Variants in SPTLC3 observed in about 807,000 individuals in gnomAD.
The protein encoded by SPTLC3 is serine palmitoyltransferase 3.
SPTLC3 carries 36 observed loss-of-function variants against 59.3 expected under a neutral mutation model. The ratio of observed to expected loss-of-function variants is 0.61; its 90% CI spans 0.47 to 0.80. SPTLC3 has a LOEUF of 0.80. SPTLC3 is among the 30% of genes least tolerant of loss of function. SPTLC3 has a pLI of 0.00. For synonymous variants in SPTLC3, 257 were observed against 240.8 expected (o/e 1.07, Z -0.62); for missense variants, 625 against 685.1 (o/e 0.91, Z 0.98).
chr20:13,031,293 C>T (rs1344412193), intron 1 of SPTLC3, among the ~76,000 whole-genome samples: 1 of 152,120 alleles, frequency 6.6e-6, no homozygotes, highest in Non-Finnish European at 1.5e-5. Context: ...TCGAAGATCT[C>T]AATCTCTAAA....
At chr20:13,030,178 C>T (rs1176846448) in intron 1 of SPTLC3, among the ~76,000 whole-genome samples, 3 of 152,132 alleles carry the variant, frequency 2.0e-5, no homozygotes, top group African/African-American at 7.2e-5. Context: ...CACTGGCTGC[C>T]CCTACTGTGA....
Position 13,074,334 on chromosome 20 carries a change from C to T in SPTLC3, c.459-15C>T. 1 of 1,612,710 alleles carries T rather than the reference C, an allele frequency of 6.2e-7. No individual in the cohort carries two copies. Among genetic ancestry groups the T allele is most frequent in the African/African-American group, 1.3e-5 (1 of 74,976 alleles). On this transcript the variant is annotated splice_polypyrimidine_tract_variant and intron_variant, in intron 3 of 11. Transcript: ENST00000399002. ...GGGGAGGGGATTATGTGCTCATTTA[C>T]ATGTTTCCCCACAGGTTTACTGGAA...
chr20:13,009,731 C>A (rs1985133349), intron 1 of SPTLC3, among the ~76,000 whole-genome samples: 1 of 152,180 alleles, frequency 6.6e-6, no homozygotes, highest in Non-Finnish European at 1.5e-5. Context: ...AAGAGACCTG[C>A]TACAACCGTC....
intron 6 of SPTLC3, among the ~76,000 whole-genome samples, chr20:13,104,072 T>G (rs1294840134): frequency 6.6e-6 from 1 of 152,228 alleles, no homozygotes; most frequent in African/African-American, 2.4e-5. Context: ...TAAGCCTGAT[T>G]GTAGCTTTGG....
At chr20:13,118,211 C>T (rs1048755718) in intron 8 of SPTLC3, among the ~76,000 whole-genome samples, 8 of 151,964 alleles carry the variant, frequency 5.3e-5, no homozygotes, top group African/African-American at 1.9e-4. Context: ...GAGGCTGACC[C>T]TATGCTACAA....
At chr20:13,064,654 T>A (rs1241706343) in intron 2 of SPTLC3, among the ~76,000 whole-genome samples, 1 of 152,230 alleles carries the variant, frequency 6.6e-6, no homozygotes, top group Non-Finnish European at 1.5e-5. Context: ...TTCCTATTAT[T>A]TGGGTAACTC....
At chr20:13,106,931 G>C (rs989018638) in intron 6 of SPTLC3, among the ~76,000 whole-genome samples, 1 of 152,198 alleles carries the variant, frequency 6.6e-6, no homozygotes, top group African/African-American at 2.4e-5. Context: ...GCAGGGAAAC[G>C]TTCTCCACTG....
intron 9 of SPTLC3, among the ~76,000 whole-genome samples, chr20:13,129,606 C>G (rs2038074686): frequency 6.6e-6 from 1 of 152,222 alleles, no homozygotes; most frequent in Non-Finnish European, 1.5e-5. Flanking sequence ...AAAATTTTCA[C>G]TCATTTCCGG....
At chr20:13,034,675 A>T (rs1191468340) in intron 1 of SPTLC3, among the ~76,000 whole-genome samples, 1 of 152,174 alleles carries the variant, frequency 6.6e-6, no homozygotes, top group Non-Finnish European at 1.5e-5. Flanking sequence ...AGTAAAATTT[A>T]ACCCAACGAG....
At chr20:13,022,868 T>G (rs1985959169) in intron 1 of SPTLC3, among the ~76,000 whole-genome samples, 2 of 151,908 alleles carry the variant, frequency 1.3e-5, no homozygotes, top group Admixed American at 1.3e-4. Flanking sequence ...TTCCCATGGC[T>G]CCCATTTCAC....
At chr20:13,062,788 C>T (rs921587499) in intron 2 of SPTLC3, among the ~76,000 whole-genome samples, 2 of 152,162 alleles carry the variant, frequency 1.3e-5, no homozygotes, top group African/African-American at 4.8e-5. Flanking sequence ...TATGCCAATA[C>T]AGAACTACTT....
intron 1 of SPTLC3, among the ~76,000 whole-genome samples, chr20:13,034,789 C>T (rs1207558621): frequency 6.7e-6 from 1 of 150,338 alleles, no homozygotes; most frequent in African/African-American, 2.4e-5. Flanking sequence ...TTGTTATTCA[C>T]CAAAAAAAAA....
At chr20:13,059,160 TC>T (rs1987847632) in intron 2 of SPTLC3, among the ~76,000 whole-genome samples, 1 of 152,188 alleles carries the variant, frequency 6.6e-6, no homozygotes, top group Admixed American at 6.5e-5. Context: ...TCCCCTTTAA[TC>T]TCAGAGTTAA....
chr20:13,101,249 C>T (rs564200144), intron 6 of SPTLC3, among the ~76,000 whole-genome samples: 1 of 152,242 alleles, frequency 6.6e-6, no homozygotes, highest in Admixed American at 6.5e-5. Flanking sequence ...CAAAGAATGG[C>T]CTGTGTTTGC....
At chr20:13,016,321 T>C (rs1465610133) in intron 1 of SPTLC3, among the ~76,000 whole-genome samples, 1 of 152,204 alleles carries the variant, frequency 6.6e-6, no homozygotes, top group African/African-American at 2.4e-5. Flanking sequence ...ATAATCTAGT[T>C]ATTTTGATCA....
chr20:13,098,990 T>C (rs1210604466), intron 6 of SPTLC3, among the ~76,000 whole-genome samples: 1 of 152,122 alleles, frequency 6.6e-6, no homozygotes, highest in African/African-American at 2.4e-5. Context: ...CTGCTCTCTT[T>C]GGTAGGAAAA....
At chr20:13,068,566 C>A (rs1988318029) in intron 2 of SPTLC3, among the ~76,000 whole-genome samples, 1 of 152,054 alleles carries the variant, frequency 6.6e-6, no homozygotes, top group Non-Finnish European at 1.5e-5. Flanking sequence ...GACAGGAAAC[C>A]TCACAGGTGG....
chr20:13,148,016 C>T (rs865810197), intron 9 of SPTLC3, among the ~76,000 whole-genome samples: 2 of 152,090 alleles, frequency 1.3e-5, no homozygotes, highest in Non-Finnish European at 2.9e-5. Flanking sequence ...CTTAGGATTA[C>T]GGGGGAAATG....
chr20:13,153,936 G>A, intron 9 of SPTLC3, 67 bp from the exon 10 acceptor site: 1 of 1,585,012 alleles, frequency 6.3e-7, no homozygotes, highest in Non-Finnish European at 8.6e-7. Context: ...TGCTTGCCAA[G>A]TTGACCGGAC....
Sources: gnomAD v4.1 joint callset for allele counts (sites outside exome capture counted in the v4.1 genomes callset) on GRCh38, gnomAD v4.1.1 for gene constraint, MANE v1.5 for transcripts, NCBI Gene and HGNC (gene_info 2026-07-23, HGNC 2026-07-21) for gene names.